PCNT: variants seen among roughly 807,000 people sequenced by gnomAD.
PCNT encodes the protein kendrin.
A neutral mutation model predicts 380.4 loss-of-function variants in PCNT; 319 were observed. That is an observed-to-expected ratio of 0.84 (90% CI 0.77 to 0.92). PCNT has a LOEUF of 0.92. Ranked by LOEUF, PCNT falls within the 40% of genes least tolerant of loss-of-function variation. The probability of loss-of-function intolerance (pLI) is 0.00; values close to 1 mark genes in which losing one functional copy is unlikely to be tolerated. For synonymous variants in PCNT, 1,845 were observed against 1,735.2 expected, an observed-to-expected ratio of 1.06 and a Z score of -1.57; for missense variants, 4,400 against 4,255.3, an observed-to-expected ratio of 1.03 and a Z score of -0.95.
intron 1 of PCNT, chr21:46,325,079 A>T (rs1279357472): frequency 1.0e-6 from 1 of 985,358 alleles, no homozygotes; most frequent in Non-Finnish European, 1.2e-6. Context: ...TCCGTGAAAA[A>T]GCGCTCGGTT....
At chr21:46,361,210 C>A (rs991681098) in intron 13 of PCNT, among the ~76,000 whole-genome samples, 2 of 152,020 alleles carry the variant, frequency 1.3e-5, no homozygotes, top group African/African-American at 2.4e-5. Flanking sequence ...CATGGGGAAA[C>A]CCTGTCTTTA....
At chr21:46,342,757 T>C (rs775694921) in intron 3 of PCNT, among the ~76,000 whole-genome samples, 1 of 151,960 alleles carries the variant, frequency 6.6e-6, no homozygotes, top group Non-Finnish European at 1.5e-5. Flanking sequence ...TCTCAATCTC[T>C]TGACCTCGTG....
chr21:46,425,246 C>T lies in PCNT; in HGVS notation c.7180-585C>T, dbSNP rs532310713. The stretch of plus-strand genomic sequence containing the variant: ...GTCCGGACACCAGCTGCTGCGTAAT[C>T]GGTGGGATAAAGCAGCCGCCTCGTG... On this transcript the variant is annotated intron_variant, in intron 32 of 46. Coordinates refer to ENST00000359568, the MANE Select transcript of PCNT (RefSeq NM_006031.6). This position sits in a 1 kb window ranked among gnomAD's most constrained non-coding sequence, Gnocchi z 4.2. Among the ~76,000 whole-genome samples, 4 of 152,278 alleles carry T rather than the reference C, an allele frequency of 2.6e-5. No homozygotes were observed. In the South Asian group the frequency reaches 8.3e-4, roughly 32 times the overall value.
chr21:46,391,656 C>T (rs1231936174), intron 21 of PCNT, among the ~76,000 whole-genome samples: 1 of 152,232 alleles, frequency 6.6e-6, no homozygotes, highest in Non-Finnish European at 1.5e-5. Context: ...CTGAGTCCAA[C>T]AGCAGCAGCT....
chr21:46,371,935 TCA>T (rs1268137830), intron 15 of PCNT, among the ~76,000 whole-genome samples: 6 of 116,654 alleles, frequency 5.1e-5, no homozygotes, highest in Non-Finnish European at 1.1e-4. Flanking sequence ...ATGCGCATGC[TCA>T]CACAGCATGT....
chr21:46,348,511 A>G (rs982275021), intron 6 of PCNT, among the ~76,000 whole-genome samples: 1 of 151,986 alleles, frequency 6.6e-6, no homozygotes, highest in Admixed American at 6.6e-5. Context: ...CTTTTCCTCA[A>G]CTGCTTGCCT....
chr21:46,345,907 G>A (rs544071393), intron 3 of PCNT, among the ~76,000 whole-genome samples: 3 of 152,210 alleles, frequency 2.0e-5, no homozygotes, highest in Non-Finnish European at 2.9e-5. Context: ...CTGAGTTGGG[G>A]CTTCGTTCCT....
At position 46,399,788 on chromosome 21, in the gene PCNT, C is replaced by T; in HGVS notation, c.4783C>T (p.Leu1595=). The part of the protein sequence containing the change: ...VEKQKNIVKG[L]EQDKEVLKKQ... ...AAAACAGAAAAACATCGTGAAAGGG[C>T]TGGAACAGGTAAAGCGTCTCCATGT... is the stretch of plus-strand genomic sequence containing the variant. Residue 1595 remains leucine (L), a synonymous_variant, in exon 25 of 47, where the codon CTG becomes TTG. Transcript: ENST00000359568. 6.2e-7 allele frequency: 1 copy of T among 1,613,804 alleles called. No individual in the cohort carries two copies. The highest frequency in any genetic ancestry group is 1.1e-5 in the South Asian group (1 of 91,074).
Position 46,349,105 on chromosome 21 carries a change from T to C in PCNT, c.1126T>C (p.Leu376=). ...AAAGCATCAATCAGAAATGGAGGAT[T>C]TACAAAACCAGTTTCAGAAAGAATT... The part of the protein sequence containing the change: ...SAKHQSEMED[L]QNQFQKELAE... The change falls in exon 7 of 47, where the codon TTA becomes CTA. Residue 376 remains leucine (L), a synonymous_variant. Coordinates refer to ENST00000359568, the MANE Select transcript of PCNT (RefSeq NM_006031.6). 1 of 1,612,776 alleles carries C rather than the reference T, an allele frequency of 6.2e-7. No homozygotes were observed. Among genetic ancestry groups the C allele is most frequent in the Non-Finnish European group, 8.5e-7 (1 of 1,178,818 alleles).
At position 46,363,873 on chromosome 21, in the gene PCNT, G is replaced by T. The variant is rs759412726; in HGVS notation, c.2548G>T (p.Glu850Ter). 4.3e-6 allele frequency: 7 copies of T among 1,612,336 alleles called. No individual in the cohort carries two copies. The African/African-American group carries it at 6.7e-5, about 15-fold the overall frequency. Residue 850 changes from glutamate (E) to a stop codon, truncating the protein, a stop_gained, in exon 14 of 47, where the codon GAG (glutamate) becomes TAG (stop). Transcript: ENST00000359568. LOFTEE classifies it high-confidence loss of function. ...GREPPTAQDG[E>*]LAALHVKEDC... Reference sequence around the variant, plus strand: ...GGAGCCGCCCACAGCCCAGGACGGGGAGCTTGCTGCGCTCCACGTGAAGGA... The same window carrying T: ...GGAGCCGCCCACAGCCCAGGACGGGTAGCTTGCTGCGCTCCACGTGAAGGA...
At position 46,411,716 on chromosome 21, in the gene PCNT, C is replaced by G; in HGVS notation, c.5643C>G (p.Asn1881Lys). 1 of 1,612,584 alleles carries G rather than the reference C, an allele frequency of 6.2e-7. No individual in the cohort carries two copies. Among genetic ancestry groups the G allele is most frequent in the Non-Finnish European group, 8.5e-7 (1 of 1,179,854 alleles). ...AERNLEIDALNQRKAAHSAEL... is the reference protein window; with the variant it reads ...AERNLEIDALKQRKAAHSAEL... ...GAAATTTAGAAATCGACGCTCTGAA[C>G]CAGCGGAAGGCGGCCCACTCTGCCG... The change falls in exon 28 of 47, where the codon AAC (asparagine) becomes AAG (lysine). Residue 1881 changes from asparagine (N) to lysine (K), a missense_variant. Physicochemically the swap from Asn to Lys is moderately conservative, Grantham distance 94 (BLOSUM62 0). Coordinates refer to ENST00000359568, the MANE Select transcript of PCNT (RefSeq NM_006031.6).
intron 13 of PCNT, among the ~76,000 whole-genome samples, chr21:46,359,480 G>GTTGTTTTT (rs2084609442): frequency 1.5e-5 from 1 of 65,732 alleles, no homozygotes; most frequent in Non-Finnish European, 3.4e-5. Flanking sequence ...AAATACACCT[G>GTTGTTTTT]TTTTTTTTTT....
chr21:46,381,131 C>G (rs2085516444), intron 15 of PCNT, among the ~76,000 whole-genome samples: 1 of 143,984 alleles, frequency 6.9e-6, no homozygotes, highest in Admixed American at 7.2e-5. Flanking sequence ...GAGCTGAGAT[C>G]ACACCACTGC....
chr21:46,394,534 C>T lies in PCNT; in HGVS notation c.4217-2731C>T, dbSNP rs149477380. ...GCTGTCACTGCAGCACACAAGGACTCAGGTTTGTAAAGACAAACGATTGAT... is the reference window on the plus strand; with the variant it reads ...GCTGTCACTGCAGCACACAAGGACTTAGGTTTGTAAAGACAAACGATTGAT... On this transcript the variant is annotated intron_variant, in intron 21 of 46. Coordinates refer to ENST00000359568, the MANE Select transcript of PCNT (RefSeq NM_006031.6). The T allele has an allele frequency of 3.8e-4, 377 of 985,160 alleles. 2 individuals are homozygous for T. In the African/African-American group the frequency reaches 6.2e-3, roughly 16 times the overall value. The allele number at this position is 985,160 out of a possible 1,614,324, so 61.0% of individuals were successfully genotyped here. A position where few individuals can be genotyped will look rare whatever the true frequency, so the allele number is the denominator to read the frequency against.
intron 24 of PCNT, 101 bp from the exon 25 acceptor site, chr21:46,399,489 G>A: frequency 2.4e-6 from 2 of 840,710 alleles, no homozygotes; most frequent in Non-Finnish European, 4.0e-6. Context: ...AGGGCATAGG[G>A]CATCTATTTT....
intron 32 of PCNT, among the ~76,000 whole-genome samples, chr21:46,423,271 A>G (rs1035939959): frequency 6.6e-6 from 1 of 151,126 alleles, no homozygotes; most frequent in Non-Finnish European, 1.5e-5. Flanking sequence ...GCTCACTGCA[A>G]CCTCTGCCTC....
intron 1 of PCNT, among the ~76,000 whole-genome samples, chr21:46,325,515 C>T (rs1265828597): frequency 6.6e-6 from 1 of 152,216 alleles, no homozygotes; most frequent in Non-Finnish European, 1.5e-5. Context: ...ATGAGGTTGA[C>T]TTTGAAGGAA....
chr21:46,414,285 C>A (rs928412344), intron 29 of PCNT, among the ~76,000 whole-genome samples: 1 of 152,156 alleles, frequency 6.6e-6, no homozygotes, highest in African/African-American at 2.4e-5. Flanking sequence ...AGCCACCACG[C>A]CCAGCCTTAG....
chr21:46,419,004 C>T (rs2087140257), intron 31 of PCNT, among the ~76,000 whole-genome samples: 1 of 152,214 alleles, frequency 6.6e-6, no homozygotes, highest in Non-Finnish European at 1.5e-5. Context: ...CTGGTCTCAG[C>T]CTCCCTTGGT....
Sources: allele counts gnomAD v4.1 joint callset (sites outside exome capture counted in the v4.1 genomes callset), GRCh38; gene constraint gnomAD v4.1.1; non-coding constraint Gnocchi (gnomAD v3.1); transcripts MANE v1.5; gene names NCBI Gene and HGNC (gene_info 2026-07-23, HGNC 2026-07-21).